CEP83: variants seen among roughly 807,000 people sequenced by gnomAD.
The protein encoded by CEP83 is centrosomal protein of 83 kDa.
CEP83 carries 70 observed loss-of-function variants against 101.9 expected under a neutral mutation model. That is an observed-to-expected ratio of 0.69 (90% CI 0.57 to 0.84). The LOEUF is 0.84. CEP83 is among the 40% of genes least tolerant of loss of function. The pLI is 0.00. For synonymous variants in CEP83, 264 were observed against 267.9 expected, an observed-to-expected ratio of 0.99 and a Z score of 0.14; for missense variants, 715 against 787.2, an observed-to-expected ratio of 0.91 and a Z score of 1.10.
the CEP83 span, chr12:94,297,269 A>C: frequency 6.2e-7 from 1 of 1,613,204 alleles, no homozygotes; most frequent in South Asian, 1.1e-5. Context: ...TGCCTTCTGT[A>C]GCAAGAGTGG....
At chr12:94,373,016 G>C (rs1166295854) in intron 8 of CEP83, among the ~76,000 whole-genome samples, 2 of 152,108 alleles carry the variant, frequency 1.3e-5, no homozygotes, top group East Asian at 3.8e-4. Context: ...TTTTCTATGA[G>C]TAATCTGAAC....
chr12:94,331,012 T>C (rs892766375), intron 14 of CEP83, among the ~76,000 whole-genome samples: 2 of 152,074 alleles, frequency 1.3e-5, no homozygotes, highest in Admixed American at 1.3e-4. Flanking sequence ...TTTATTAGGA[T>C]GGACGCGGTA....
chr12:94,313,069 CA>C, intron 14 of CEP83, 52 bp from the exon 15 acceptor site: 1 of 781,906 alleles, frequency 1.3e-6, no homozygotes, highest in Non-Finnish European at 2.1e-6. Context: ...CTTATTTGAA[CA>C]AAACTATATA....
At chr12:94,441,796 C>G (rs7302977) in intron 1 of CEP83, among the ~76,000 whole-genome samples, 8 of 151,488 alleles carry the variant, frequency 5.3e-5, no homozygotes, top group Non-Finnish European at 4.4e-5. Flanking sequence ...GCACCTGTAG[C>G]CCCAGCTACT....
the CEP83 span, among the ~76,000 whole-genome samples, chr12:94,279,310 A>G: frequency 6.6e-6 from 1 of 152,236 alleles, no homozygotes; most frequent in Non-Finnish European, 1.5e-5. Context: ...CCTGAAAAGA[A>G]TGGATTATGG....
the CEP83 span, among the ~76,000 whole-genome samples, chr12:94,299,842 G>A: frequency 1.3e-5 from 2 of 152,124 alleles, no homozygotes; most frequent in African/African-American, 2.4e-5. Context: ...TTACAGGTGT[G>A]AGCCACTGCC....
intron 11 of CEP83, among the ~76,000 whole-genome samples, chr12:94,336,198 T>C (rs1325383259): frequency 1.3e-5 from 2 of 152,188 alleles, no homozygotes; most frequent in Admixed American, 1.3e-4. Flanking sequence ...TATGGAGCTT[T>C]TCATCCCTGA....
the CEP83 span, among the ~76,000 whole-genome samples, chr12:94,276,379 G>C: frequency 6.6e-6 from 1 of 151,968 alleles, no homozygotes; most frequent in Non-Finnish European, 1.5e-5. Flanking sequence ...CCCTCCCACT[G>C]GTGTGGGGAA....
intron 2 of CEP83, among the ~76,000 whole-genome samples, chr12:94,432,085 C>T (rs1005562365): frequency 2.0e-5 from 3 of 150,492 alleles, no homozygotes; most frequent in South Asian, 2.1e-4. Context: ...GACGGAGTCT[C>T]GCTCTGTAGC....
the CEP83 span, among the ~76,000 whole-genome samples, chr12:94,300,261 C>T: frequency 6.6e-6 from 1 of 152,248 alleles, no homozygotes; most frequent in African/African-American, 2.4e-5. Flanking sequence ...TAGTATGTGT[C>T]AGGACTAGGT....
rs753392508 is a variant in CEP83, at chr12:94,368,069, A to T, written c.1181T>A (p.Leu394Ter). 24 of 1,612,618 alleles carry T rather than the reference A, an allele frequency of 1.5e-5. No individual in the cohort carries two copies. Among genetic ancestry groups the T allele is most frequent in the Non-Finnish European group, 1.8e-5 (21 of 1,179,358 alleles). Reference sequence around the variant, plus strand: ...ATTAAGTACTTACTTTTCATCTTGTAATACCACAAGTTTTTGATAACCTTC... The same window carrying T: ...ATTAAGTACTTACTTTTCATCTTGTTATACCACAAGTTTTTGATAACCTTC... ...KEEGYQKLVVLQDEKLELENR... is the reference protein window; with the variant it reads ...KEEGYQKLVV Residue 394 changes from leucine (L) to a stop codon, truncating the protein, a stop_gained, in exon 10 of 17, where the codon TTA (leucine) becomes TAA (stop). Transcript: ENST00000397809. LOFTEE classifies it high-confidence loss of function.
chr12:94,284,007 C>G, the CEP83 span, among the ~76,000 whole-genome samples: 1 of 149,330 alleles, frequency 6.7e-6, no homozygotes, highest in African/African-American at 2.5e-5. Context: ...TGCTTGAACC[C>G]GGGAGGCGGA....
intron 1 of CEP83, among the ~76,000 whole-genome samples, chr12:94,451,825 T>A (rs913297637): frequency 6.6e-6 from 1 of 152,134 alleles, no homozygotes; most frequent in Non-Finnish European, 1.5e-5. Flanking sequence ...TGAATACATA[T>A]GCTCACACAA....
At chr12:94,358,468 C>T (rs973248440) in intron 11 of CEP83, among the ~76,000 whole-genome samples, 3 of 152,202 alleles carry the variant, frequency 2.0e-5, no homozygotes, top group African/African-American at 4.8e-5. Flanking sequence ...CTATACCTTT[C>T]AAATGGTTAA....
downstream of CEP83, chr12:94,303,656 G>T: frequency 9.5e-7 from 1 of 1,051,068 alleles, no homozygotes; most frequent in Non-Finnish European, 1.3e-6. Flanking sequence ...TTGGTGGTGG[G>T]GGTTCAGCTA....
chr12:94,434,576 A>T (rs899476208), intron 2 of CEP83, among the ~76,000 whole-genome samples: 6 of 152,226 alleles, frequency 3.9e-5, no homozygotes, highest in Non-Finnish European at 8.8e-5. Flanking sequence ...AAAATGTCAC[A>T]ATATTAGGTA....
chr12:94,378,958 G>C lies in CEP83; in HGVS notation c.634C>G (p.Gln212Glu), dbSNP rs1422979209. 1.2e-6 allele frequency: 2 copies of C among 1,613,856 alleles called. No homozygotes were observed. The highest frequency in any genetic ancestry group is 4.5e-5 in the East Asian group (2 of 44,894). Reference sequence around the variant, plus strand: ...AAATAGACTTTTTCTCGAGCAAGTTGTTCCACTCGTTTGCTGTCTTTTGTG... The same window carrying C: ...AAATAGACTTTTTCTCGAGCAAGTTCTTCCACTCGTTTGCTGTCTTTTGTG... ...DLTKDSKRVE[Q>E]LAREKVYLCQ... The change falls in exon 7 of 17, where the codon CAA (glutamine) becomes GAA (glutamate). Residue 212 changes from glutamine to glutamate, a missense_variant. Physicochemically the swap from Gln to Glu is conservative, Grantham distance 29. Coordinates refer to ENST00000397809, the MANE Select transcript of CEP83 (RefSeq NM_016122.3).
At chr12:94,347,930 T>C (rs7138291) in intron 11 of CEP83, among the ~76,000 whole-genome samples, 14,743 of 152,040 alleles carry the variant, frequency 0.097, 843 homozygotes, top group Admixed American at 0.15. Context: ...ATGATAACAA[T>C]AAAACTATAG....
the CEP83 span, among the ~76,000 whole-genome samples, chr12:94,291,765 G>C: frequency 6.6e-6 from 1 of 151,986 alleles, no homozygotes; most frequent in Admixed American, 6.6e-5. Flanking sequence ...TGGACATTTC[G>C]TATATTCTTT....
Sources: allele counts gnomAD v4.1 joint callset (sites outside exome capture counted in the v4.1 genomes callset), GRCh38; gene constraint gnomAD v4.1.1; transcripts MANE v1.5; gene names NCBI Gene and HGNC (gene_info 2026-07-23, HGNC 2026-07-21).